The following KATNIP variants were observed in gnomAD, a reference collection of about 807,000 sequenced individuals.
The protein encoded by KATNIP is katanin interacting protein.
In KATNIP, 126 loss-of-function variants were observed where a neutral mutation model predicts 174.0. The observed-to-expected ratio is 0.72, with a 90% CI of 0.63 to 0.84. The LOEUF (loss-of-function observed/expected upper bound fraction) is 0.84, where lower values mean the gene tolerates loss of function less well. KATNIP is among the 40% of genes least tolerant of loss of function. KATNIP has a pLI of 0.00. For synonymous variants in KATNIP, 810 were observed against 835.7 expected (o/e 0.97, Z 0.53); for missense variants, 1,958 against 2,109.7 (o/e 0.93, Z 1.41).
chr16:27,578,175 A>T (rs1358693633), intron 2 of KATNIP, among the ~76,000 whole-genome samples: 3 of 152,084 alleles, frequency 2.0e-5, no homozygotes, highest in Non-Finnish European at 4.4e-5. Flanking sequence ...AGACTCTGGC[A>T]TACAAAAATT....
At chr16:27,736,283 A>G (rs946628546) in intron 14 of KATNIP, among the ~76,000 whole-genome samples, 2 of 152,208 alleles carry the variant, frequency 1.3e-5, no homozygotes, top group Non-Finnish European at 2.9e-5. Flanking sequence ...GATTACAAGC[A>G]TGAGCCACTG....
chr16:27,737,826 C>A (rs909401710), intron 14 of KATNIP, among the ~76,000 whole-genome samples: 14 of 152,114 alleles, frequency 9.2e-5, no homozygotes, highest in African/African-American at 3.4e-4. Context: ...ACTTTAGGAA[C>A]CAGACACTTC....
At chr16:27,599,734 G>A (rs898919425) in intron 2 of KATNIP, among the ~76,000 whole-genome samples, 3 of 152,096 alleles carry the variant, frequency 2.0e-5, no homozygotes, top group African/African-American at 4.8e-5. Flanking sequence ...TCCAACTTCC[G>A]CTGTCCGCTC....
chr16:27,561,280 C>A (rs1216928549), intron 1 of KATNIP, among the ~76,000 whole-genome samples: 1 of 152,038 alleles, frequency 6.6e-6, no homozygotes, highest in African/African-American at 2.4e-5. Flanking sequence ...GCATCGGCCT[C>A]CCAAAGTGTT....
chr16:27,585,283 A>G (rs562712738), intron 2 of KATNIP, among the ~76,000 whole-genome samples: 1 of 148,790 alleles, frequency 6.7e-6, no homozygotes, highest in African/African-American at 2.6e-5. Context: ...GGCAAAAACA[A>G]ATACTGGCGA....
At chr16:27,729,765 T>G (rs1192891677) in intron 14 of KATNIP, among the ~76,000 whole-genome samples, 1 of 152,186 alleles carries the variant, frequency 6.6e-6, no homozygotes, top group East Asian at 1.9e-4. Flanking sequence ...CCGCGCCAGC[T>G]CCTGGCTCAC....
At position 27,775,029 on chromosome 16, in the gene KATNIP, T is replaced by C. The variant is rs913115129; in HGVS notation, c.4394T>C (p.Val1465Ala). The C allele has an allele frequency of 1.2e-6, 2 of 1,613,626 alleles. No homozygotes were observed. Among genetic ancestry groups the C allele is most frequent in the South Asian group, 2.2e-5 (2 of 91,052 alleles). ...VRTPDKLIDQ[V>A]NDTSDGRHMW... ...ACCCCAGACAAGCTCATCGACCAAGTGAACGACACCAGTGATGGCCGGCAC... is the reference window on the plus strand; with the variant it reads ...ACCCCAGACAAGCTCATCGACCAAGCGAACGACACCAGTGATGGCCGGCAC... Residue 1465 changes from valine to alanine, a missense_variant, in exon 24 of 28, where the codon GTG becomes GCG. Val to Ala is a moderately conservative substitution (Grantham distance 64). Around this residue, in one of 3 missense-constraint regions of KATNIP, gnomAD observed 383 missense variants for 456.0 expected, o/e 0.84. Coordinates refer to ENST00000261588, the MANE Select transcript of KATNIP (RefSeq NM_015202.5).
Position 27,766,277 on chromosome 16 carries a change from G to T in KATNIP, c.3810-32G>T, listed in dbSNP as rs771747880. On this transcript the variant is annotated intron_variant, in intron 19 of 27. Coordinates refer to ENST00000261588, the MANE Select transcript of KATNIP (RefSeq NM_015202.5). ...TGATGCCTCCTGTGCCCACTGAGCC[G>T]CCCCCCTGCCGCTCCGTCCCCATTG... The T allele has an allele frequency of 2.5e-6, 4 of 1,608,498 alleles. No homozygotes were observed. In the African/African-American group the frequency reaches 5.3e-5, roughly 22 times the overall value.
At chr16:27,766,255 T>C (rs2144109982) in intron 19 of KATNIP, 54 bp from the exon 20 acceptor site, 1 of 1,591,080 alleles carries the variant, frequency 6.3e-7, no homozygotes, top group Non-Finnish European at 8.6e-7. Context: ...CCCACTGTGA[T>C]GCCTCCTGTG....
chr16:27,654,627 G>A (rs1423709626), intron 6 of KATNIP: 3 of 1,351,952 alleles, frequency 2.2e-6, no homozygotes, highest in Non-Finnish European at 2.9e-6. Flanking sequence ...TCTCCCACCA[G>A]TACCAAGCCC....
At chr16:27,583,901 G>A (rs1446417080) in intron 2 of KATNIP, among the ~76,000 whole-genome samples, 1 of 152,146 alleles carries the variant, frequency 6.6e-6, no homozygotes, top group Non-Finnish European at 1.5e-5. Context: ...TCTCTACCAG[G>A]TGGCAAGATG....
chr16:27,636,737 C>G (rs1293669504), intron 5 of KATNIP, among the ~76,000 whole-genome samples: 1 of 151,662 alleles, frequency 6.6e-6, no homozygotes, highest in Admixed American at 6.6e-5. Context: ...GCTGTGCACC[C>G]CAGACCTGGC....
At chr16:27,601,568 GGC>G (rs1384783041) in intron 2 of KATNIP, among the ~76,000 whole-genome samples, 2 of 152,034 alleles carry the variant, frequency 1.3e-5, no homozygotes, top group Non-Finnish European at 2.9e-5. Flanking sequence ...CTCCTGCTTT[GGC>G]CTCCCAAAGT....
chr16:27,682,011 C>T (rs1238659027), intron 8 of KATNIP, among the ~76,000 whole-genome samples: 2 of 152,224 alleles, frequency 1.3e-5, no homozygotes, highest in Non-Finnish European at 2.9e-5. Flanking sequence ...TCCTGTGGCC[C>T]AGTCAAGCCA....
chr16:27,690,042 C>T (rs2078660094), intron 8 of KATNIP, among the ~76,000 whole-genome samples: 2 of 152,082 alleles, frequency 1.3e-5, no homozygotes, highest in Admixed American at 1.3e-4. Flanking sequence ...GTGCCTCATG[C>T]GTGTAAGCCT....
At chr16:27,692,844 T>C (rs2142924259) in intron 8 of KATNIP, among the ~76,000 whole-genome samples, 1 of 152,308 alleles carries the variant, frequency 6.6e-6, no homozygotes, top group East Asian at 1.9e-4. Context: ...AAGAGCAGCA[T>C]CTCACTCAAC....
chr16:27,578,206 G>T (rs943194038), intron 2 of KATNIP, among the ~76,000 whole-genome samples: 2 of 152,100 alleles, frequency 1.3e-5, no homozygotes, highest in Non-Finnish European at 2.9e-5. Flanking sequence ...GGTGGTACAT[G>T]CCTGTAGTAC....
chr16:27,642,886 G>C (rs978721550), intron 5 of KATNIP, among the ~76,000 whole-genome samples: 1 of 151,718 alleles, frequency 6.6e-6, no homozygotes, highest in East Asian at 1.9e-4. Context: ...GGGATTAGAG[G>C]TGTGAGCCAC....
intron 2 of KATNIP, among the ~76,000 whole-genome samples, chr16:27,599,317 T>C (rs1419712934): frequency 6.6e-6 from 1 of 152,108 alleles, no homozygotes; most frequent in East Asian, 1.9e-4. Context: ...GGCAAGGCAA[T>C]GACCTTGCAA....
Sources: allele counts gnomAD v4.1 joint callset (sites outside exome capture counted in the v4.1 genomes callset), GRCh38; gene constraint gnomAD v4.1.1; regional missense constraint gnomAD v4.1.1; transcripts MANE v1.5; gene names NCBI Gene and HGNC (gene_info 2026-07-23, HGNC 2026-07-21).